COL4A4: variants seen among roughly 807,000 people sequenced by gnomAD.
COL4A4 encodes collagen type IV alpha 4 chain.
In COL4A4, 105 loss-of-function variants were observed where a neutral mutation model predicts 192.9. That is an observed-to-expected ratio of 0.54 (90% CI 0.46 to 0.64). The LOEUF (loss-of-function observed/expected upper bound fraction) is 0.64, where lower values mean the gene tolerates loss of function less well. Among genes scored for constraint, COL4A4 ranks in the 30% least tolerant of loss-of-function variants. The pLI, the probability that COL4A4 is intolerant of heterozygous loss-of-function variation, is 0.00. For missense variants in COL4A4, 1,967 were observed against 2,169.3 expected (o/e 0.91, Z 1.85); for synonymous variants, 762 against 769.9 (o/e 0.99, Z 0.17).
the COL4A4 span, among the ~76,000 whole-genome samples, chr2:226,994,450 C>T: frequency 2.6e-5 from 4 of 152,178 alleles, no homozygotes; most frequent in Admixed American, 2.0e-4. Flanking sequence ...TTGGTTCTAT[C>T]GGGGTTGACC....
intron 34 of COL4A4, among the ~76,000 whole-genome samples, chr2:227,048,386 T>C (rs1439509825): frequency 6.6e-6 from 1 of 152,116 alleles, no homozygotes; most frequent in Non-Finnish European, 1.5e-5. Flanking sequence ...CTTGAGAAGA[T>C]GGAATAAGAA....
chr2:227,064,114 A>G (rs999051757), intron 25 of COL4A4, among the ~76,000 whole-genome samples: 3 of 152,188 alleles, frequency 2.0e-5, no homozygotes, highest in Admixed American at 6.5e-5. Context: ...ACATTCTGCC[A>G]CAGAAATATT....
intron 4 of COL4A4, among the ~76,000 whole-genome samples, chr2:227,133,154 G>C (rs1344493816): frequency 6.6e-6 from 1 of 152,144 alleles, no homozygotes; most frequent in Non-Finnish European, 1.5e-5. Flanking sequence ...CAGTTTGGCA[G>C]TTGTTGCTGT....
At chr2:227,160,563 C>T (rs2064744599) in intron 1 of COL4A4, among the ~76,000 whole-genome samples, 1 of 152,174 alleles carries the variant, frequency 6.6e-6, no homozygotes, top group African/African-American at 2.4e-5. Flanking sequence ...CCATTCCCAC[C>T]TCCCCATGTC....
chr2:227,128,927 T>C (rs1291263687), intron 4 of COL4A4, among the ~76,000 whole-genome samples: 1 of 152,124 alleles, frequency 6.6e-6, no homozygotes, highest in Non-Finnish European at 1.5e-5. Flanking sequence ...CCTTATTCCC[T>C]GCAGTTTCCA....
At chr2:226,997,587 G>GTAT in the COL4A4 span, 1 of 152,078 alleles carries the variant, frequency 6.6e-6, no homozygotes, top group African/African-American at 2.4e-5. Context: ...TTTTTCCATT[G>GTAT]TATTAAGAGT....
At chr2:227,140,519 G>A (rs1050543334) in intron 3 of COL4A4, among the ~76,000 whole-genome samples, 6 of 152,030 alleles carry the variant, frequency 3.9e-5, no homozygotes, top group Middle Eastern at 3.2e-3. Context: ...TCTCCCTTTC[G>A]GTAAGACTTA....
chr2:227,027,923 T>C lies in COL4A4; in HGVS notation c.4060A>G (p.Lys1354Glu). The C allele has an allele frequency of 1.2e-6, 2 of 1,613,766 alleles. No individual in the cohort carries two copies. The highest frequency in any genetic ancestry group is 1.7e-6 in the Non-Finnish European group (2 of 1,179,684). The stretch of plus-strand genomic sequence containing the variant: ...TCACCCGGAAGACCAGTGGGCCCTT[T>C]TCTCCCTGGAGGTCCAGGTAAACCC... ...EKGLPGPPGRKGPTGLPGPRG... is the reference protein window; with the variant it reads ...EKGLPGPPGREGPTGLPGPRG... Residue 1354 changes from lysine (K) to glutamate (E), a missense_variant, in exon 42 of 48, where the codon AAA (lysine) becomes GAA (glutamate). Lys to Glu is a moderately conservative substitution (Grantham distance 56). Transcript: ENST00000396625.
chr2:227,036,173 C>T (rs916106052), intron 37 of COL4A4, among the ~76,000 whole-genome samples: 12 of 152,188 alleles, frequency 7.9e-5, no homozygotes, highest in African/African-American at 2.7e-4. Context: ...TTTAAGGCTG[C>T]AGCACACTGC....
At chr2:227,008,401 C>G in intron 46 of COL4A4, 97 bp from the exon 47 acceptor site, 2 of 1,395,074 alleles carry the variant, frequency 1.4e-6, no homozygotes, top group Non-Finnish European at 2.0e-6. Flanking sequence ...GATACGTGTT[C>G]TGAAATCTGG....
At position 227,065,472 on chromosome 2, in the gene COL4A4, T is replaced by G. The variant is rs562942628; in HGVS notation, c.1988-2874A>C. Among the ~76,000 whole-genome samples, 319 of 152,328 alleles carry G rather than the reference T, an allele frequency of 2.1e-3. 3 individuals are homozygous for G. Among genetic ancestry groups the G allele is most frequent in the African/African-American group, 7.1e-3 (297 of 41,580 alleles). On this transcript the variant is annotated intron_variant, in intron 25 of 47. Coordinates refer to ENST00000396625, the MANE Select transcript of COL4A4 (RefSeq NM_000092.5). ...CAGCAGTAACCTCTGCAGACTTAAA[T>G]GTCCCTGTCTGACAGCTTTGAAGAG...
the COL4A4 span, among the ~76,000 whole-genome samples, chr2:226,981,298 T>G: frequency 1.3e-5 from 2 of 152,156 alleles, no homozygotes; most frequent in Non-Finnish European, 1.5e-5. Flanking sequence ...CGGGCCAGCA[T>G]GGCACATGTA....
chr2:227,010,237 G>A, intron 46 of COL4A4, 76 bp downstream of exon 46: 1 of 1,411,244 alleles, frequency 7.1e-7, no homozygotes, highest in Non-Finnish European at 1.0e-6. Context: ...GATCATTTAA[G>A]GTGCTGATGA....
At chr2:227,048,506 A>T (rs754027967) in intron 34 of COL4A4, among the ~76,000 whole-genome samples, 1 of 152,222 alleles carries the variant, frequency 6.6e-6, no homozygotes, top group Non-Finnish European at 1.5e-5. Context: ...AGAAATATCC[A>T]GAAAAGATAC....
chr2:227,101,104 A>G (rs962837768), intron 17 of COL4A4, among the ~76,000 whole-genome samples: 1 of 152,096 alleles, frequency 6.6e-6, no homozygotes, highest in African/African-American at 2.4e-5. Context: ...CACCACGCCC[A>G]GCCTTTCCTG....
At chr2:227,136,464 G>C (rs2396453) in intron 4 of COL4A4, among the ~76,000 whole-genome samples, 31 of 152,088 alleles carry the variant, frequency 2.0e-4, no homozygotes, top group Non-Finnish European at 3.5e-4. Context: ...TGCAGCTGGA[G>C]AGGGTCAAAG....
the COL4A4 span, among the ~76,000 whole-genome samples, chr2:226,994,967 T>C: frequency 1.3e-5 from 2 of 152,244 alleles, no homozygotes; most frequent in African/African-American, 2.4e-5. Context: ...ATGATTCTTA[T>C]TGGCCACATT....
downstream of COL4A4, chr2:227,002,700 A>G (rs964460227): frequency 6.5e-6 from 1 of 152,676 alleles, no homozygotes; most frequent in Non-Finnish European, 1.5e-5. Context: ...AATGCACCAG[A>G]TAAAACACAG....
At chr2:227,030,404 A>C (rs1209074997) in intron 41 of COL4A4, 39 bp downstream of exon 41, 3 of 1,609,298 alleles carry the variant, frequency 1.9e-6, no homozygotes, top group Non-Finnish European at 2.6e-6. Context: ...TAAGATAACC[A>C]AGTTATTCAC....
Sources: gnomAD v4.1 joint callset for allele counts (sites outside exome capture counted in the v4.1 genomes callset) on GRCh38, gnomAD v4.1.1 for gene constraint, MANE v1.5 for transcripts, NCBI Gene and HGNC (gene_info 2026-07-23, HGNC 2026-07-21) for gene names.